PRKG1: variants seen among roughly 807,000 people sequenced by gnomAD.
PRKG1 encodes protein kinase cGMP-dependent 1.
A neutral mutation model predicts 88.1 loss-of-function variants in PRKG1; 35 were observed. The observed-to-expected ratio is 0.40, with a 90% CI of 0.30 to 0.53. PRKG1 has a LOEUF of 0.53. PRKG1 is among the 20% of genes least tolerant of loss of function. PRKG1 has a pLI of 0.59. For missense variants in PRKG1, 540 were observed against 839.8 expected (o/e 0.64, Z 4.41); for synonymous variants, 303 against 292.5 (o/e 1.04, Z -0.37).
intron 3 of PRKG1, among the ~76,000 whole-genome samples, chr10:51,508,160 G>T (rs544939959): frequency 3.9e-5 from 6 of 152,002 alleles, no homozygotes; most frequent in African/African-American, 4.8e-5. Flanking sequence ...TAAATGAGAC[G>T]GTACATGTAA....
At chr10:51,082,292 A>C (rs975293513) in intron 1 of PRKG1, among the ~76,000 whole-genome samples, 38 of 152,132 alleles carry the variant, frequency 2.5e-4, no homozygotes, top group African/African-American at 8.2e-4. Context: ...CTTTATGAAT[A>C]ACATATAGGT....
chr10:52,123,556 G>A lies in PRKG1; in HGVS notation c.936-10284G>A, dbSNP rs184317532. On this transcript the variant is annotated intron_variant, in intron 7 of 17. Coordinates refer to ENST00000373980, the MANE Select transcript of PRKG1 (RefSeq NM_006258.4). Reference sequence around the variant, plus strand: ...CATTGACCTTTATGCATTTTTCATTGCTCCTTTATTTTACATTGTAGGATT... The same window carrying A: ...CATTGACCTTTATGCATTTTTCATTACTCCTTTATTTTACATTGTAGGATT... 2.6e-3 allele frequency among the ~76,000 whole-genome samples: 400 copies of A among 152,044 alleles called. 5 individuals carry two copies. The highest frequency in any genetic ancestry group is 9.0e-3 in the African/African-American group (375 of 41,504).
At chr10:51,325,475 A>T (rs552294410) in intron 2 of PRKG1, among the ~76,000 whole-genome samples, 44 of 152,334 alleles carry the variant, frequency 2.9e-4, no homozygotes, top group Admixed American at 9.8e-4. Flanking sequence ...TTGGGATTAC[A>T]GGCGTTAGCC....
At chr10:51,938,129 T>C (rs1236496136) in intron 5 of PRKG1, among the ~76,000 whole-genome samples, 6 of 152,090 alleles carry the variant, frequency 3.9e-5, no homozygotes, top group African/African-American at 7.2e-5. Context: ...GATGCCTATG[T>C]CATTCACCTC....
intron 4 of PRKG1, among the ~76,000 whole-genome samples, chr10:51,823,677 T>A (rs1839806587): frequency 6.6e-6 from 1 of 152,052 alleles, no homozygotes; most frequent in Non-Finnish European, 1.5e-5. Flanking sequence ...TAAAGCCCAG[T>A]GTTAGCTATG....
At chr10:51,893,330 C>A (rs886644598) in intron 4 of PRKG1, among the ~76,000 whole-genome samples, 3 of 151,868 alleles carry the variant, frequency 2.0e-5, no homozygotes, top group African/African-American at 7.3e-5. Flanking sequence ...AAATAGCAAG[C>A]AGAAGATACT....
chr10:51,670,619 C>T (rs2132347280), intron 3 of PRKG1, among the ~76,000 whole-genome samples: 1 of 148,514 alleles, frequency 6.7e-6, no homozygotes, highest in East Asian at 1.9e-4. Flanking sequence ...GCCTGTAGTC[C>T]CAGCTACTTG....
chr10:52,002,045 C>A (rs1288111656), intron 5 of PRKG1, among the ~76,000 whole-genome samples: 3 of 152,062 alleles, frequency 2.0e-5, no homozygotes, highest in Non-Finnish European at 4.4e-5. Context: ...TCAGTGAGAT[C>A]TATAAACCCA....
chr10:51,532,059 G>A (rs1281417717), intron 3 of PRKG1, among the ~76,000 whole-genome samples: 1 of 152,172 alleles, frequency 6.6e-6, no homozygotes, highest in Non-Finnish European at 1.5e-5. Context: ...CACTATGTTA[G>A]CAGAGTATGT....
intron 5 of PRKG1, among the ~76,000 whole-genome samples, chr10:52,020,039 A>G (rs1293337313): frequency 6.6e-6 from 1 of 151,928 alleles, no homozygotes; most frequent in Non-Finnish European, 1.5e-5. Flanking sequence ...ATATTTTAAT[A>G]TATTTTATTT....
chr10:51,479,025 C>T (rs928816484), intron 3 of PRKG1, among the ~76,000 whole-genome samples: 2 of 151,752 alleles, frequency 1.3e-5, no homozygotes, highest in African/African-American at 4.8e-5. Flanking sequence ...TTAAAAGTCT[C>T]AGAAGCAAAA....
chr10:51,444,156 A>G (rs1431684437), intron 2 of PRKG1, among the ~76,000 whole-genome samples: 1 of 151,634 alleles, frequency 6.6e-6, no homozygotes, highest in Non-Finnish European at 1.5e-5. Flanking sequence ...TACCAGCTGT[A>G]TATTACAGTA....
intron 7 of PRKG1, among the ~76,000 whole-genome samples, chr10:52,121,019 A>G (rs900966426): frequency 1.3e-5 from 2 of 152,144 alleles, no homozygotes; most frequent in Non-Finnish European, 2.9e-5. Flanking sequence ...ATATGTGGAC[A>G]CTGCCAAGGC....
intron 2 of PRKG1, among the ~76,000 whole-genome samples, chr10:51,297,352 A>G (rs925578541): frequency 6.6e-6 from 1 of 152,082 alleles, no homozygotes; most frequent in Admixed American, 6.5e-5. Context: ...GAAAAACTTT[A>G]CTATCTGGAA....
intron 4 of PRKG1, among the ~76,000 whole-genome samples, chr10:51,851,992 G>A (rs1230819291): frequency 1.3e-5 from 2 of 151,894 alleles, no homozygotes; most frequent in African/African-American, 4.8e-5. Flanking sequence ...CATGTTTCAG[G>A]CACCTGCCAT....
intron 3 of PRKG1, among the ~76,000 whole-genome samples, chr10:51,737,734 TTTATTAATTATTATTATTA>T (rs1328122364): frequency 2.1e-5 from 3 of 140,318 alleles, no homozygotes; most frequent in South Asian, 4.5e-4. Context: ...TATTTATTTA[TTTATTAATTATTATTATTA>T]TTATTATTAT....
chr10:51,495,791 A>G (rs1415293238), intron 3 of PRKG1, among the ~76,000 whole-genome samples: 1 of 152,210 alleles, frequency 6.6e-6, no homozygotes, highest in Non-Finnish European at 1.5e-5. Context: ...AAGACAGCAT[A>G]CTTCGGCCAA....
At chr10:52,065,002 T>G (rs1846323797) in intron 7 of PRKG1, among the ~76,000 whole-genome samples, 1 of 152,330 alleles carries the variant, frequency 6.6e-6, no homozygotes, top group South Asian at 2.1e-4. Context: ...GGATAGGCTG[T>G]GAAGGCTAGA....
chr10:51,725,678 G>A (rs1480512598), intron 3 of PRKG1, among the ~76,000 whole-genome samples: 1 of 150,908 alleles, frequency 6.6e-6, no homozygotes, highest in Non-Finnish European at 1.5e-5. Context: ...CTGTAGCCCA[G>A]GCTAGAGTAC....
Sources: allele counts gnomAD v4.1 joint callset (sites outside exome capture counted in the v4.1 genomes callset), GRCh38; gene constraint gnomAD v4.1.1; transcripts MANE v1.5; gene names NCBI Gene and HGNC (gene_info 2026-07-23, HGNC 2026-07-21).